Variants in FAM3D observed in about 807,000 individuals in gnomAD.
FAM3D encodes protein FAM3D.
In FAM3D, 26 loss-of-function variants were observed where a neutral mutation model predicts 29.8. The ratio of observed to expected loss-of-function variants is 0.87; its 90% CI spans 0.64 to 1.21. FAM3D has a LOEUF of 1.21. Among genes scored for constraint, FAM3D ranks in the 50% most tolerant of loss-of-function variants. The probability of loss-of-function intolerance (pLI) is 0.00; values close to 1 mark genes in which losing one functional copy is unlikely to be tolerated. For missense variants in FAM3D, 253 were observed against 290.9 expected (o/e 0.87, Z 0.95); for synonymous variants, 115 against 102.3 (o/e 1.12, Z -0.75).
At chr3:58,643,799 C>T (rs947828272) in intron 5 of FAM3D, 79 bp from the exon 6 acceptor site, 45 of 1,305,718 alleles carry the variant, frequency 3.4e-5, no homozygotes, top group Admixed American at 5.1e-5. Context: ...TGGGGAACTC[C>T]GTGAGGACCC....
At chr3:58,642,801 C>T (rs543141607) in intron 6 of FAM3D, among the ~76,000 whole-genome samples, 39 of 152,304 alleles carry the variant, frequency 2.6e-4, no homozygotes, top group African/African-American at 7.9e-4. Context: ...ACACACTGCT[C>T]AAAGCCTTTC....
At chr3:58,662,276 G>C (rs928436558) in intron 1 of FAM3D, among the ~76,000 whole-genome samples, 1 of 152,216 alleles carries the variant, frequency 6.6e-6, no homozygotes. Flanking sequence ...ATTCATTTCC[G>C]TCTGAGACAG....
chr3:58,645,398 G>T, intron 5 of FAM3D, 111 bp downstream of exon 5: 1 of 711,230 alleles, frequency 1.4e-6, no homozygotes, highest in Non-Finnish European at 2.2e-6. Flanking sequence ...TGAAAGGGAA[G>T]CTGTGGGCTG....
chr3:58,657,810 A>C (rs899464122), intron 1 of FAM3D: 2 of 152,324 alleles, frequency 1.3e-5, no homozygotes, highest in African/African-American at 4.8e-5. Flanking sequence ...GAGCAGGTAC[A>C]CAGGGTGGAG....
rs2066152626 is a variant in FAM3D, at chr3:58,635,917, A to C, written c.585+377T>G. ...TCTCCATGCCTCGCCAGGGAGGCTGAAGGGATGGGGACAGGCATCCTGCTC... is the reference window on the plus strand; with the variant it reads ...TCTCCATGCCTCGCCAGGGAGGCTGCAGGGATGGGGACAGGCATCCTGCTC... On this transcript the variant is annotated intron_variant, in intron 9 of 9. Transcript: ENST00000358781. This position sits in a 1 kb window ranked among gnomAD's most constrained non-coding sequence, Gnocchi z 5.2. Among the ~76,000 whole-genome samples the C allele has an allele frequency of 6.6e-6, 1 of 152,224 alleles. No individual in the cohort carries two copies. Among genetic ancestry groups the C allele is most frequent in the East Asian group, 1.9e-4 (1 of 5,158 alleles).
chr3:58,656,786 T>C (rs1185031684), intron 1 of FAM3D, among the ~76,000 whole-genome samples: 1 of 152,228 alleles, frequency 6.6e-6, no homozygotes, highest in Non-Finnish European at 1.5e-5. Flanking sequence ...GACAGGAGAC[T>C]GGGCTCATGC....
At chr3:58,646,362 C>G (rs1376973457) in intron 4 of FAM3D, among the ~76,000 whole-genome samples, 1 of 152,160 alleles carries the variant, frequency 6.6e-6, no homozygotes, top group Non-Finnish European at 1.5e-5. Context: ...GCTGGCTGTT[C>G]CTAAGACCTG....
chr3:58,639,496 T>G (rs982046035), intron 7 of FAM3D, among the ~76,000 whole-genome samples: 2 of 152,132 alleles, frequency 1.3e-5, no homozygotes, highest in Non-Finnish European at 2.9e-5. Context: ...GAATGTCTGG[T>G]CCTCAGCCCC....
chr3:58,663,041 G>A (rs2066962541), intron 1 of FAM3D, among the ~76,000 whole-genome samples: 1 of 152,204 alleles, frequency 6.6e-6, no homozygotes, highest in Non-Finnish European at 1.5e-5. Context: ...TGGGACTACA[G>A]GCATCCGCCC....
At chr3:58,665,049 T>C (rs1007896336) in intron 1 of FAM3D, among the ~76,000 whole-genome samples, 3 of 152,202 alleles carry the variant, frequency 2.0e-5, no homozygotes, top group African/African-American at 7.2e-5. Context: ...GCCCCTGGGT[T>C]CTGGAGGCTT....
chr3:58,662,266 A>G (rs1486703059), intron 1 of FAM3D, among the ~76,000 whole-genome samples: 1 of 152,174 alleles, frequency 6.6e-6, no homozygotes, highest in Non-Finnish European at 1.5e-5. Context: ...TGGGTAATTT[A>G]TTCATTTCCG....
chr3:58,650,094 C>A (rs1203399974), intron 3 of FAM3D, among the ~76,000 whole-genome samples: 2 of 152,258 alleles, frequency 1.3e-5, no homozygotes, highest in Non-Finnish European at 2.9e-5. Flanking sequence ...ATACCATATC[C>A]TAGTTGTTTC....
intron 4 of FAM3D, among the ~76,000 whole-genome samples, chr3:58,646,798 T>C (rs1447684145): frequency 6.6e-6 from 1 of 152,184 alleles, no homozygotes; most frequent in Non-Finnish European, 1.5e-5. Context: ...GTGTTTATTA[T>C]CTTATTGACT....
rs1306926228 is a variant in FAM3D at position 58,652,963 on chromosome 3, T to TCCAA, written c.121+710_121+711insTTGG. 1.1e-3 allele frequency among the ~76,000 whole-genome samples: 92 copies of TCCAA among 85,910 alleles called. 1 individual carries two copies. The South Asian group carries it at 0.021, about 19-fold the overall frequency. 56.4% of individuals were successfully genotyped at this position (85,910 alleles called of 152,430 possible). A position where few individuals can be genotyped will look rare whatever the true frequency, so the allele number is the denominator to read the frequency against. ...ACCCATCCATCCACCCACCCATTTATCCATCCATCCATCCGTTTTTTTTTT... is the reference window on the plus strand; with the variant it reads ...ACCCATCCATCCACCCACCCATTTATCCAACCATCCATCCATCCGTTTTTTTTTT... On this transcript the variant is annotated intron_variant, in intron 3 of 9. Transcript: ENST00000358781.
intron 1 of FAM3D, among the ~76,000 whole-genome samples, chr3:58,664,774 C>A (rs925108900): frequency 2.0e-5 from 3 of 152,206 alleles, no homozygotes; most frequent in African/African-American, 7.2e-5. Context: ...AACCTCTGAG[C>A]CTCCAGAAGC....
In FAM3D at chr3:58,649,334, G is replaced by C. The variant is rs775231402; in HGVS notation, c.126C>G (p.Ala42=). Residue 42 remains alanine (A), a synonymous_variant, in exon 4 of 10, where the codon GCC becomes GCG. Coordinates refer to ENST00000358781, the MANE Select transcript of FAM3D (RefSeq NM_138805.3). ...ACTCACGGATCTCCTTGGTGGGCGA[G>C]GCTGCTGGAGAGAAGACAGAATCTG... The part of the protein sequence containing the change: ...KTIRLPRWLA[A]SPTKEIQVKK... 1.1e-5 allele frequency: 17 copies of C among 1,613,908 alleles called. No individual in the cohort carries two copies. The highest frequency in any genetic ancestry group is 1.4e-5 in the Non-Finnish European group (17 of 1,179,872).
intron 1 of FAM3D, among the ~76,000 whole-genome samples, chr3:58,664,935 T>C (rs770838156): frequency 2.3e-4 from 35 of 152,118 alleles, no homozygotes; most frequent in Admixed American, 1.4e-3. Flanking sequence ...AGTAGACAGG[T>C]AGGTCTCCTC....
chr3:58,659,009 A>C (rs1344074099), intron 1 of FAM3D, among the ~76,000 whole-genome samples: 1 of 152,194 alleles, frequency 6.6e-6, no homozygotes, highest in Admixed American at 6.5e-5. Context: ...GAAGAGAACG[A>C]ATTTGTGGAT....
intron 1 of FAM3D, among the ~76,000 whole-genome samples, chr3:58,658,786 T>C (rs1054964639): frequency 6.6e-6 from 1 of 152,142 alleles, no homozygotes; most frequent in Non-Finnish European, 1.5e-5. Flanking sequence ...TATGGGAAAC[T>C]GGGGAGAGAG....
Sources: gnomAD v4.1 joint callset for allele counts (sites outside exome capture counted in the v4.1 genomes callset) on GRCh38, gnomAD v4.1.1 for gene constraint, Gnocchi (gnomAD v3.1) non-coding constraint, MANE v1.5 for transcripts, NCBI Gene and HGNC (gene_info 2026-07-23, HGNC 2026-07-21) for gene names.